Variants in ARHGAP10 observed in about 807,000 individuals in gnomAD.
ARHGAP10 encodes the protein rho GTPase-activating protein 10.
ARHGAP10 carries 87 observed loss-of-function variants against 108.6 expected under a neutral mutation model. The ratio of observed to expected loss-of-function variants is 0.80; its 90% CI spans 0.67 to 0.96. The LOEUF is 0.96. Among genes scored for constraint, ARHGAP10 ranks in the 40% least tolerant of loss-of-function variants. The probability of loss-of-function intolerance (pLI) is 0.00; values close to 1 mark genes in which losing one functional copy is unlikely to be tolerated. For missense variants in ARHGAP10, 939 were observed against 954.5 expected (o/e 0.98, Z 0.21); for synonymous variants, 347 against 341.1 (o/e 1.02, Z -0.19).
chr4:148,068,624 C>G (rs1040229820), intron 22 of ARHGAP10, among the ~76,000 whole-genome samples: 2 of 152,106 alleles, frequency 1.3e-5, no homozygotes, highest in African/African-American at 4.8e-5. Context: ...TGTGACAAAA[C>G]TGAATTTTAC....
intron 1 of ARHGAP10, among the ~76,000 whole-genome samples, chr4:147,760,931 T>C (rs1729563226): frequency 6.6e-6 from 1 of 151,844 alleles, no homozygotes; most frequent in African/African-American, 2.4e-5. Flanking sequence ...AAAGGCTGAG[T>C]GTGAAATTAA....
At chr4:147,956,735 AG>A (rs1738798642) in intron 16 of ARHGAP10, among the ~76,000 whole-genome samples, 1 of 150,134 alleles carries the variant, frequency 6.7e-6, no homozygotes, top group African/African-American at 2.5e-5. Flanking sequence ...TTATGGAATA[AG>A]GTTTTTTTTT....
intron 14 of ARHGAP10, among the ~76,000 whole-genome samples, chr4:147,940,531 C>A (rs1174530275): frequency 6.6e-6 from 1 of 152,196 alleles, no homozygotes; most frequent in African/African-American, 2.4e-5. Flanking sequence ...ACCTGTAAGA[C>A]ACTCCACTTC....
At chr4:147,816,365 A>G (rs1249849077) in intron 1 of ARHGAP10, among the ~76,000 whole-genome samples, 3 of 152,206 alleles carry the variant, frequency 2.0e-5, no homozygotes, top group Non-Finnish European at 2.9e-5. Flanking sequence ...TCTGTGCTCC[A>G]GGTTTATGGG....
chr4:147,981,449 A>G (rs1396606280), intron 18 of ARHGAP10, among the ~76,000 whole-genome samples: 1 of 152,196 alleles, frequency 6.6e-6, no homozygotes, highest in East Asian at 1.9e-4. Context: ...GTTTTTAAAA[A>G]GTATATTGAG....
At chr4:147,981,958 T>A (rs2149627740) in intron 18 of ARHGAP10, among the ~76,000 whole-genome samples, 1 of 152,328 alleles carries the variant, frequency 6.6e-6, no homozygotes, top group Admixed American at 6.5e-5. Flanking sequence ...GGCGTGATCA[T>A]ATGTGAGATG....
intron 20 of ARHGAP10, among the ~76,000 whole-genome samples, chr4:148,053,096 C>T (rs1164076240): frequency 6.6e-6 from 1 of 152,136 alleles, no homozygotes; most frequent in Non-Finnish European, 1.5e-5. Flanking sequence ...TGCATCAACC[C>T]AGTGCGGTAG....
At chr4:147,889,003 G>C (rs1287145120) in intron 10 of ARHGAP10, among the ~76,000 whole-genome samples, 1 of 152,194 alleles carries the variant, frequency 6.6e-6, no homozygotes, top group African/African-American at 2.4e-5. Context: ...TAGGAACACT[G>C]TCTTACTTAG....
At chr4:148,056,728 T>C (rs1426449773) in intron 20 of ARHGAP10, among the ~76,000 whole-genome samples, 1 of 152,238 alleles carries the variant, frequency 6.6e-6, no homozygotes, top group Non-Finnish European at 1.5e-5. Context: ...GATGCCATGT[T>C]TCTATAAGCA....
At chr4:147,958,885 A>G (rs568429235) in intron 16 of ARHGAP10, among the ~76,000 whole-genome samples, 1 of 152,208 alleles carries the variant, frequency 6.6e-6, no homozygotes, top group African/African-American at 2.4e-5. Context: ...GCAGATGGAC[A>G]TTACAGTGTG....
chr4:147,868,454 T>A (rs1453435414), intron 7 of ARHGAP10, among the ~76,000 whole-genome samples: 1 of 152,142 alleles, frequency 6.6e-6, no homozygotes, highest in Non-Finnish European at 1.5e-5. Flanking sequence ...CCCAGGCTGC[T>A]CAAACTTCAG....
intron 20 of ARHGAP10, among the ~76,000 whole-genome samples, chr4:148,052,002 C>T (rs372810702): frequency 3.3e-5 from 5 of 152,106 alleles, no homozygotes; most frequent in East Asian, 3.9e-4. Flanking sequence ...TTCAGGAAGT[C>T]AATAAATTTT....
chr4:147,735,777 T>C (rs1244820512), intron 1 of ARHGAP10, among the ~76,000 whole-genome samples: 1 of 152,252 alleles, frequency 6.6e-6, no homozygotes, highest in African/African-American at 2.4e-5. Context: ...GATTATTCAC[T>C]CAATTCAATG....
At chr4:148,002,746 G>A (rs1028207767) in intron 18 of ARHGAP10, among the ~76,000 whole-genome samples, 2 of 152,182 alleles carry the variant, frequency 1.3e-5, no homozygotes. Context: ...ATTTCTGTGG[G>A]ATCAGTGGTG....
intron 3 of ARHGAP10, among the ~76,000 whole-genome samples, chr4:147,825,924 T>C (rs1218877446): frequency 6.6e-6 from 1 of 152,220 alleles, no homozygotes; most frequent in Non-Finnish European, 1.5e-5. Flanking sequence ...TCTGCCTTCA[T>C]GGAGGTTAGA....
rs188121869 is a variant in ARHGAP10 at position 147,832,381 on chromosome 4, G to T, written c.312+9424G>T. On this transcript the variant is annotated intron_variant, in intron 3 of 22. Transcript: ENST00000336498. ...TAAAAAGAGGAGTCCAGGCACGGTA[G>T]CTCACGCCTGTAATCCCAGCACTTT... Among the ~76,000 whole-genome samples the T allele has an allele frequency of 4.6e-5, 7 of 151,138 alleles. No individual in the cohort carries two copies. In the East Asian group the frequency reaches 1.4e-3, roughly 29 times the overall value.
At chr4:147,831,428 G>T (rs940007846) in intron 3 of ARHGAP10, among the ~76,000 whole-genome samples, 1 of 152,168 alleles carries the variant, frequency 6.6e-6, no homozygotes, top group African/African-American at 2.4e-5. Flanking sequence ...CCATTAAAAA[G>T]ATTATGCCTT....
chr4:147,852,901 A>T (rs1274048253), intron 4 of ARHGAP10, among the ~76,000 whole-genome samples: 1 of 151,946 alleles, frequency 6.6e-6, no homozygotes, highest in Non-Finnish European at 1.5e-5. Flanking sequence ...TATTTTTAGT[A>T]GAGATGGGGG....
chr4:147,989,904 T>TCTAAAC (rs1740205023), intron 18 of ARHGAP10, among the ~76,000 whole-genome samples: 1 of 152,214 alleles, frequency 6.6e-6, no homozygotes, highest in Non-Finnish European at 1.5e-5. Flanking sequence ...CTTTACAATT[T>TCTAAAC]ATGTTTAGAG....
Sources: gnomAD v4.1 joint callset for allele counts (sites outside exome capture counted in the v4.1 genomes callset) on GRCh38, gnomAD v4.1.1 for gene constraint, MANE v1.5 for transcripts, NCBI Gene and HGNC (gene_info 2026-07-23, HGNC 2026-07-21) for gene names.